Variants in CNTN6 observed in about 807,000 individuals in gnomAD.
CNTN6 encodes contactin-6.
CNTN6 carries 137 observed loss-of-function variants against 122.8 expected under a neutral mutation model. The ratio of observed to expected loss-of-function variants is 1.12; its 90% confidence interval spans 0.97 to 1.29. The LOEUF is 1.29. Among genes scored for constraint, CNTN6 ranks in the 50% most tolerant of loss-of-function variants. The pLI, the probability that CNTN6 is intolerant of heterozygous loss-of-function variation, is 0.00. For missense variants in CNTN6, 1,634 were observed against 1,223.4 expected, an observed-to-expected ratio of 1.34 and a Z score of -5.01; for synonymous variants, 570 against 426.0, an observed-to-expected ratio of 1.34 and a Z score of -4.16.
intron 2 of CNTN6, among the ~76,000 whole-genome samples, chr3:1,170,461 T>C (rs933251233): frequency 5.9e-5 from 9 of 152,004 alleles, no homozygotes; most frequent in African/African-American, 1.9e-4. Context: ...CAAACCTGGG[T>C]GTCTATTTGG....
At chr3:1,221,341 G>A (rs1163046583) in intron 3 of CNTN6, among the ~76,000 whole-genome samples, 2 of 152,168 alleles carry the variant, frequency 1.3e-5, no homozygotes, top group African/African-American at 4.8e-5. Context: ...CTGCCTCAAT[G>A]CGGAACTGCA....
intron 2 of CNTN6, among the ~76,000 whole-genome samples, chr3:1,185,604 A>G (rs1338350317): frequency 3.9e-5 from 6 of 152,192 alleles, no homozygotes. Context: ...CAGGATATAA[A>G]TGAGATAGTG....
chr3:1,237,128 A>G lies in CNTN6; in HGVS notation c.358+9135A>G, dbSNP rs147739336. Among the ~76,000 whole-genome samples the G allele has an allele frequency of 3.4e-3, 519 of 152,176 alleles. 4 individuals are homozygous for G. The highest frequency in any genetic ancestry group is 0.012 in the African/African-American group (489 of 41,532). Reference sequence around the variant, plus strand: ...CCAAAAAAAGGTGAAGTCCAGCTTAAAGAAATTAAAAACATTATACAGAAA... The same window carrying G: ...CCAAAAAAAGGTGAAGTCCAGCTTAGAGAAATTAAAAACATTATACAGAAA... On this transcript the variant is annotated intron_variant, in intron 4 of 22. Transcript: ENST00000446702.
rs116196883 is a variant in CNTN6 at position 1,238,071 on chromosome 3, G to C, written c.358+10078G>C. Among the ~76,000 whole-genome samples, 519 of 151,676 alleles carry C rather than the reference G, an allele frequency of 3.4e-3. 4 individuals carry two copies. Among genetic ancestry groups the C allele is most frequent in the African/African-American group, 0.012 (489 of 41,386 alleles). ...AGGCAACAAAATAGCACGGTGAATA[G>C]AATAGTACCTCACATCTCAATACTA... is the stretch of plus-strand genomic sequence containing the variant. On this transcript the variant is annotated intron_variant, in intron 4 of 22. Coordinates refer to ENST00000446702, the MANE Select transcript of CNTN6 (RefSeq NM_001289080.2).
At position 1,402,707 on chromosome 3, in the gene CNTN6, G is replaced by C; in HGVS notation, c.2986+221G>C. ...CTTCCTCATTTGAAAACCAAAAAGA[G>C]AACAGGAAAAAAAATCTTTGTGTCA... On this transcript the variant is annotated intron_variant, in intron 22 of 22. Transcript: ENST00000446702. The C allele has an allele frequency of 5.1e-6, 2 of 394,314 alleles. 1 individual carries two copies. Among genetic ancestry groups the C allele is most frequent in the South Asian group, 1.4e-4 (2 of 14,274 alleles). 24.4% of individuals were successfully genotyped at this position (394,314 alleles called of 1,614,324 possible).
intron 1 of CNTN6, among the ~76,000 whole-genome samples, chr3:1,129,428 G>A (rs1010814900): frequency 7.9e-5 from 12 of 151,924 alleles, no homozygotes; most frequent in African/African-American, 2.4e-4. Context: ...AAATTGTACC[G>A]TCTTCATGCA....
intron 12 of CNTN6, among the ~76,000 whole-genome samples, chr3:1,367,066 G>C (rs1708333889): frequency 2.0e-5 from 3 of 151,912 alleles, no homozygotes; most frequent in Admixed American, 1.3e-4. Flanking sequence ...ATGTATTTGT[G>C]GGATATAATG....
rs189463571 is a variant in CNTN6 at position 1,232,258 on chromosome 3, C to T, written c.358+4265C>T. Among the ~76,000 whole-genome samples the T allele has an allele frequency of 4.9e-4, 74 of 152,250 alleles. No individual in the cohort carries two copies. The Middle Eastern group carries it at 0.01, about 21-fold the overall frequency. ...ACAGCTAGCATTTCAAATAAGTTTG[C>T]TCCATTATTGCAAAAGGAAAGGCAG... On this transcript the variant is annotated intron_variant, in intron 4 of 22. Coordinates refer to ENST00000446702, the MANE Select transcript of CNTN6 (RefSeq NM_001289080.2).
intron 1 of CNTN6, among the ~76,000 whole-genome samples, chr3:1,103,108 A>AT (rs1408247300): frequency 2.0e-5 from 3 of 152,206 alleles, no homozygotes; most frequent in Non-Finnish European, 2.9e-5. Context: ...TCCGTCTCAA[A>AT]AAATAAAAAT....
At chr3:1,311,856 C>T (rs964259926) in intron 7 of CNTN6, among the ~76,000 whole-genome samples, 2 of 151,950 alleles carry the variant, frequency 1.3e-5, no homozygotes, top group Non-Finnish European at 2.9e-5. Context: ...TCTGCACCCT[C>T]ATTTGTAATG....
At chr3:1,325,158 C>T (rs1701358213) in intron 8 of CNTN6, among the ~76,000 whole-genome samples, 1 of 151,764 alleles carries the variant, frequency 6.6e-6, no homozygotes, top group Admixed American at 6.6e-5. Context: ...ATGCCAGTTT[C>T]TTGTTGTCTC....
At chr3:1,150,640 A>G (rs1020447064) in intron 2 of CNTN6, among the ~76,000 whole-genome samples, 1 of 152,182 alleles carries the variant, frequency 6.6e-6, no homozygotes, top group Non-Finnish European at 1.5e-5. Context: ...GGCCCATTTA[A>G]TTAGGAAATA....
chr3:1,252,493 CAGAT>C (rs1178671245), intron 4 of CNTN6, among the ~76,000 whole-genome samples: 5 of 152,082 alleles, frequency 3.3e-5, no homozygotes, highest in East Asian at 1.9e-4. Flanking sequence ...ATCATAAACA[CAGAT>C]GGATGAATAT....
chr3:1,278,356 A>G (rs538884860), intron 4 of CNTN6, 57 bp from the exon 5 acceptor site: 19 of 1,201,980 alleles, frequency 1.6e-5, no homozygotes, highest in African/African-American at 3.0e-5. Context: ...ATTCTTCTTT[A>G]AAATATTTAT....
intron 13 of CNTN6, 115 bp from the exon 14 acceptor site, chr3:1,372,723 T>G (rs1709232811): frequency 2.8e-6 from 2 of 710,984 alleles, no homozygotes; most frequent in Admixed American, 2.6e-5. Flanking sequence ...ATGATACTAG[T>G]ATATCTTTTA....
intron 7 of CNTN6, among the ~76,000 whole-genome samples, chr3:1,311,754 A>T (rs1699359157): frequency 6.6e-6 from 1 of 151,730 alleles, no homozygotes; most frequent in Admixed American, 6.6e-5. Context: ...TACTTTTAAC[A>T]TAATTAGTAT....
At chr3:1,203,259 G>C (rs1343957677) in intron 2 of CNTN6, among the ~76,000 whole-genome samples, 2 of 152,154 alleles carry the variant, frequency 1.3e-5, no homozygotes, top group African/African-American at 2.4e-5. Context: ...GCCCCCATCT[G>C]TGAGAAAAGA....
At chr3:1,231,643 C>T (rs2094353643) in intron 4 of CNTN6, among the ~76,000 whole-genome samples, 1 of 152,204 alleles carries the variant, frequency 6.6e-6, no homozygotes, top group African/African-American at 2.4e-5. Context: ...TCAAATCTGT[C>T]TTTAACCAAC....
intron 1 of CNTN6, among the ~76,000 whole-genome samples, chr3:1,129,867 CTCTA>C (rs2092289054): frequency 1.2e-5 from 1 of 83,598 alleles, no homozygotes; most frequent in South Asian, 3.3e-4. Flanking sequence ...TACATCAAGA[CTCTA>C]TTCATTTGTA....
Sources: gnomAD v4.1 joint callset for allele counts (sites outside exome capture counted in the v4.1 genomes callset) on GRCh38, gnomAD v4.1.1 for gene constraint, MANE v1.5 for transcripts, NCBI Gene and HGNC (gene_info 2026-07-23, HGNC 2026-07-21) for gene names.